The following DPY19L4 variants were observed in gnomAD, a reference collection of about 807,000 sequenced individuals.
DPY19L4 encodes dpy-19 like 4.
A neutral mutation model predicts 102.8 loss-of-function variants in DPY19L4; 97 were observed. The ratio of observed to expected loss-of-function variants is 0.94; its 90% CI spans 0.80 to 1.12. DPY19L4 has a LOEUF of 1.12. Among genes scored for constraint, DPY19L4 ranks in the 50% most tolerant of loss-of-function variants. The pLI is 0.00. For missense variants in DPY19L4, 815 were observed against 850.4 expected, an observed-to-expected ratio of 0.96 and a Z score of 0.52; for synonymous variants, 252 against 283.1, an observed-to-expected ratio of 0.89 and a Z score of 1.10.
chr8:94,783,602 G>A, intron 16 of DPY19L4, 68 bp from the exon 17 acceptor site: 1 of 1,519,332 alleles, frequency 6.6e-7, no homozygotes. Context: ...TTTCAGAGTT[G>A]ATATAGATCA....
At chr8:94,734,541 C>A (rs1293962880) in intron 2 of DPY19L4, 89 bp from the exon 3 acceptor site, 2 of 1,377,094 alleles carry the variant, frequency 1.5e-6, no homozygotes, top group Admixed American at 2.3e-5. Context: ...GTTTTGGGGA[C>A]AAAGACCATA....
intron 2 of DPY19L4, among the ~76,000 whole-genome samples, chr8:94,727,009 C>T (rs112219580): frequency 5.9e-5 from 9 of 152,250 alleles, no homozygotes; most frequent in African/African-American, 1.7e-4. Flanking sequence ...TTCCCACACC[C>T]GAAAACTCTC....
chr8:94,781,725 A>G (rs1217067971), intron 16 of DPY19L4, among the ~76,000 whole-genome samples: 1 of 152,236 alleles, frequency 6.6e-6, no homozygotes, highest in Non-Finnish European at 1.5e-5. Context: ...GTAGAGAAAG[A>G]AGATGAGAAA....
chr8:94,779,976 T>C (rs926609899), intron 14 of DPY19L4, among the ~76,000 whole-genome samples: 7 of 152,176 alleles, frequency 4.6e-5, no homozygotes, highest in Non-Finnish European at 8.8e-5. Flanking sequence ...TTTCTTGTGT[T>C]AATTCATTGT....
intron 6 of DPY19L4, among the ~76,000 whole-genome samples, chr8:94,741,988 T>C (rs907377646): frequency 1.3e-5 from 2 of 152,228 alleles, no homozygotes; most frequent in African/African-American, 4.8e-5. Context: ...GCTGTGTACT[T>C]TTCTAAAATT....
At chr8:94,774,901 G>A in intron 13 of DPY19L4, among the ~76,000 whole-genome samples, 2 of 151,812 alleles carry the variant, frequency 1.3e-5, no homozygotes, top group East Asian at 3.9e-4. Context: ...CTATGAATTT[G>A]TTTACTTTAG....
intron 2 of DPY19L4, among the ~76,000 whole-genome samples, chr8:94,729,565 C>G (rs563468838): frequency 1.1e-4 from 14 of 132,932 alleles, no homozygotes; most frequent in Middle Eastern, 4.2e-3. Flanking sequence ...TGCCACTGCA[C>G]TCCAGCCTGG....
chr8:94,772,684 C>T (rs1433070124), intron 13 of DPY19L4, among the ~76,000 whole-genome samples: 1 of 152,202 alleles, frequency 6.6e-6, no homozygotes, highest in Non-Finnish European at 1.5e-5. Context: ...CTGACCTTAG[C>T]CTTCAGCCCT....
At chr8:94,736,044 A>G (rs988882004) in intron 3 of DPY19L4, among the ~76,000 whole-genome samples, 26 of 152,196 alleles carry the variant, frequency 1.7e-4, no homozygotes. Flanking sequence ...GGAGGCTGAA[A>G]AGTCCTAGAT....
intron 6 of DPY19L4, chr8:94,744,831 GA>G (rs1313045904): frequency 3.4e-6 from 1 of 297,204 alleles, no homozygotes; most frequent in African/African-American, 2.2e-5. Flanking sequence ...AAGTTAAATA[GA>G]AAAATTGACC....
chr8:94,766,537 T>C, intron 10 of DPY19L4, 75 bp from the exon 11 acceptor site: 1 of 1,367,236 alleles, frequency 7.3e-7, no homozygotes, highest in Non-Finnish European at 1.0e-6. Context: ...GTTTTCTGTC[T>C]CTAGTATTGG....
Position 94,787,915 on chromosome 8 carries a change from C to A in DPY19L4, c.1870C>A (p.Arg624=). 3.5e-6 allele frequency: 5 copies of A among 1,412,028 alleles called. No individual in the cohort carries two copies. The highest frequency in any genetic ancestry group is 1.9e-5 in the South Asian group (1 of 53,692). 87.5% of individuals were successfully genotyped at this position (1,412,028 alleles called of 1,614,324 possible). A position where few individuals can be genotyped will look rare whatever the true frequency, so the allele number is the denominator to read the frequency against. ...NENIYQIYSK[R]SAEDIYKILT... ...TCAGATCTACCAAATCTATTCAAAG[C>A]GATCTGCTGAGGATATTTATAAAAT... The change falls in exon 18 of 19, where the codon CGA becomes AGA. Residue 624 remains arginine, a synonymous_variant. Coordinates refer to ENST00000414645, the MANE Select transcript of DPY19L4 (RefSeq NM_181787.3).
chr8:94,752,369 G>A (rs1811970003), intron 6 of DPY19L4, among the ~76,000 whole-genome samples: 1 of 151,894 alleles, frequency 6.6e-6, no homozygotes, highest in Non-Finnish European at 1.5e-5. Context: ...CGGATCATGA[G>A]GTTAAGAGAT....
chr8:94,752,825 C>T (rs1433084556), intron 6 of DPY19L4, among the ~76,000 whole-genome samples: 6 of 151,158 alleles, frequency 4.0e-5, no homozygotes, highest in East Asian at 2.0e-4. Flanking sequence ...CCACCATGCC[C>T]GGCTAATTTT....
intron 3 of DPY19L4, among the ~76,000 whole-genome samples, chr8:94,735,660 C>T (rs1387371822): frequency 2.0e-5 from 3 of 152,146 alleles, no homozygotes; most frequent in Non-Finnish European, 2.9e-5. Context: ...CTGAGAATAA[C>T]CAAAGCTTTG....
intron 13 of DPY19L4, among the ~76,000 whole-genome samples, chr8:94,773,592 G>T (rs991968227): frequency 6.6e-6 from 1 of 151,730 alleles, no homozygotes; most frequent in African/African-American, 2.4e-5. Context: ...CACCACGCCC[G>T]GCTGATTTTG....
intron 2 of DPY19L4, among the ~76,000 whole-genome samples, chr8:94,732,129 T>G (rs1365606721): frequency 6.6e-6 from 1 of 150,986 alleles, no homozygotes; most frequent in Non-Finnish European, 1.5e-5. Flanking sequence ...AATTAGTTAC[T>G]CTATACTAGT....
At chr8:94,762,620 C>A (rs1357883639) in intron 8 of DPY19L4, among the ~76,000 whole-genome samples, 1 of 152,082 alleles carries the variant, frequency 6.6e-6, no homozygotes, top group African/African-American at 2.4e-5. Context: ...AGAACGTAAG[C>A]CAGGTGTGGT....
intron 6 of DPY19L4, among the ~76,000 whole-genome samples, chr8:94,747,060 C>G (rs1447820636): frequency 6.6e-6 from 1 of 150,812 alleles, no homozygotes; most frequent in African/African-American, 2.4e-5. Flanking sequence ...TTTTTTGTTG[C>G]TGTTGTTTCG....
Sources: allele counts gnomAD v4.1 joint callset (sites outside exome capture counted in the v4.1 genomes callset), GRCh38; gene constraint gnomAD v4.1.1; transcripts MANE v1.5; gene names NCBI Gene and HGNC (gene_info 2026-07-23, HGNC 2026-07-21).